ZFYVE26: variants seen among roughly 807,000 people sequenced by gnomAD.
The protein encoded by ZFYVE26 is zinc finger FYVE-type containing 26, also known as zinc finger FYVE domain-containing protein 26.
Under a neutral mutation model 276.5 loss-of-function variants are expected in ZFYVE26, and 181 were observed. The ratio of observed to expected loss-of-function variants is 0.65; its 90% confidence interval spans 0.58 to 0.74. The LOEUF (loss-of-function observed/expected upper bound fraction) is 0.74, where lower values mean the gene tolerates loss of function less well. Ranked by LOEUF, ZFYVE26 falls within the 30% of genes least tolerant of loss-of-function variation. The pLI is 0.00. For synonymous variants in ZFYVE26, 1,129 were observed against 1,203.1 expected (o/e 0.94, Z 1.27); for missense variants, 2,821 against 3,097.9 (o/e 0.91, Z 2.12).
chr14:67,765,743 A>G (rs2039038490), intron 32 of ZFYVE26, among the ~76,000 whole-genome samples: 1 of 152,226 alleles, frequency 6.6e-6, no homozygotes, highest in African/African-American at 2.4e-5. Flanking sequence ...CCTGGGACAC[A>G]GGAATAGACC....
downstream of ZFYVE26, among the ~76,000 whole-genome samples, chr14:67,743,926 G>C (rs1457103937): frequency 6.6e-6 from 1 of 152,214 alleles, no homozygotes; most frequent in Non-Finnish European, 1.5e-5. Flanking sequence ...GTAGGGTAGA[G>C]GAGGTGCTGA....
intron 36 of ZFYVE26, among the ~76,000 whole-genome samples, chr14:67,755,512 A>G (rs992297111): frequency 1.3e-5 from 2 of 152,158 alleles, no homozygotes; most frequent in Non-Finnish European, 2.9e-5. Flanking sequence ...TCTCCACTCA[A>G]ATTGGCTTCA....
chr14:67,768,079 A>G (rs758003558), intron 30 of ZFYVE26, among the ~76,000 whole-genome samples: 1 of 152,180 alleles, frequency 6.6e-6, no homozygotes, highest in Non-Finnish European at 1.5e-5. Flanking sequence ...CTTGCTTCAC[A>G]CAAGAAACCT....
In ZFYVE26 at chr14:67,794,238, A is replaced by T; in HGVS notation, c.2334T>A (p.Asp778Glu). ...RGRRTRRSQA[D>E]GRDRGSNPSL... Reference sequence around the variant, plus strand: ...ATGGGTTTGAACCTCTGTCTCGGCCATCTACAGGTATTGGGAAGAAGAGAG... The same window carrying T: ...ATGGGTTTGAACCTCTGTCTCGGCCTTCTACAGGTATTGGGAAGAAGAGAG... The change falls in exon 13 of 42, where the codon GAT becomes GAA. Residue 778 changes from aspartate (D) to glutamate (E), a missense_variant and splice_region_variant. Physicochemically the swap from Asp to Glu is conservative, Grantham distance 45. Transcript: ENST00000347230. 1 of 1,614,094 alleles carries T rather than the reference A, an allele frequency of 6.2e-7. No homozygotes were observed. Among genetic ancestry groups the T allele is most frequent in the Non-Finnish European group, 8.5e-7 (1 of 1,179,902 alleles).
intron 32 of ZFYVE26, among the ~76,000 whole-genome samples, chr14:67,764,426 G>A (rs1566869881): frequency 2.6e-5 from 4 of 152,146 alleles, no homozygotes. Context: ...TCACTACATT[G>A]CCCAGGCTGG....
Position 67,778,962 on chromosome 14 carries a change from C to T in ZFYVE26, c.4675-714G>A, listed in dbSNP as rs565822540. Among the ~76,000 whole-genome samples, 10 of 152,340 alleles carry T rather than the reference C, an allele frequency of 6.6e-5. No homozygotes were observed. In the East Asian group the frequency reaches 1.5e-3, roughly 23 times the overall value. ...ATGTTGCAGTCACCTAGGGATGCAT[C>T]TTACATCACCCTCTCTCCAAAATGT... On this transcript the variant is annotated intron_variant, in intron 23 of 41. Transcript: ENST00000347230.
At chr14:67,749,421 A>G (rs1039097778) in intron 41 of ZFYVE26, among the ~76,000 whole-genome samples, 1 of 152,042 alleles carries the variant, frequency 6.6e-6, no homozygotes. Flanking sequence ...TATCTCATGA[A>G]TCCCCAGCTT....
At chr14:67,800,441 A>C (rs2040052684) in intron 10 of ZFYVE26, among the ~76,000 whole-genome samples, 1 of 152,210 alleles carries the variant, frequency 6.6e-6, no homozygotes, top group Admixed American at 6.5e-5. Context: ...AGTGAAATCC[A>C]AACTTTTCAA....
rs201034965 is a variant in ZFYVE26, at chr14:67,781,400, G to A, written c.4502C>T (p.Thr1501Met). The A allele has an allele frequency of 2.5e-5, 40 of 1,614,044 alleles. No homozygotes were observed. Among genetic ancestry groups the A allele is most frequent in the Non-Finnish European group, 2.9e-5 (34 of 1,180,038 alleles). ...LEILAYCISD[T>M]AVQEGLKCEL... ...ACACTTTAGTCCTTCTTGGACAGCC[G>A]TGTCTGAAATGCAGTAGGCCAGAAT... The change falls in exon 22 of 42, where the codon ACG becomes ATG. Residue 1501 changes from threonine to methionine, a missense_variant. By Grantham distance (81) the Thr-to-Met change is moderately conservative. Coordinates refer to ENST00000347230, the MANE Select transcript of ZFYVE26 (RefSeq NM_015346.4).
intron 16 of ZFYVE26, 113 bp downstream of exon 16, chr14:67,789,222 C>T (rs1427091749): frequency 1.4e-6 from 2 of 1,438,604 alleles, no homozygotes; most frequent in African/African-American, 2.8e-5. Flanking sequence ...TTTCATAATC[C>T]ATTCACCATC....
Position 67,807,480 on chromosome 14 carries a change from G to A in ZFYVE26, c.804C>T (p.Ser268=), listed in dbSNP as rs745467429. ...RLLSCLLHKA[S]RGLLSLYGHT... ...GGCCATACAGGGACAGCAGGCCCCG[G>A]CTGGCCTTGTGCAGCAGGCAGCTGA... Residue 268 remains serine (S), a synonymous_variant, in exon 5 of 42, where the codon AGC becomes AGT. Coordinates refer to ENST00000347230, the MANE Select transcript of ZFYVE26 (RefSeq NM_015346.4). 2 of 1,614,104 alleles carry A rather than the reference G, an allele frequency of 1.2e-6. No homozygotes were observed. The highest frequency in any genetic ancestry group is 1.7e-5 in the Admixed American group (1 of 60,024).
At position 67,785,087 on chromosome 14, in the gene ZFYVE26, A is replaced by G. The variant is rs1469297473; in HGVS notation, c.3495T>C (p.Val1165=). The G allele has an allele frequency of 3.1e-6, 5 of 1,614,016 alleles. No homozygotes were observed. The change falls in exon 19 of 42, where the codon GTT becomes GTC. Residue 1165 remains valine, a synonymous_variant. Coordinates refer to ENST00000347230, the MANE Select transcript of ZFYVE26 (RefSeq NM_015346.4). ...FFSYCSTLAA[V]LLQSLSSEPD... ...GCTCAGAGCTCAAACTTTGAAGGAG[A>G]ACTGCAGCAAGGGTGCTGCAGTAAC... is the stretch of plus-strand genomic sequence containing the variant.
rs745339893 is a variant in ZFYVE26, at chr14:67,790,632, T to C, written c.2695A>G (p.Ile899Val). The change falls in exon 15 of 42, where the codon ATT (isoleucine) becomes GTT (valine). Residue 899 changes from isoleucine to valine, a missense_variant. Transcript: ENST00000347230. ...GAGCGGCCACTGCCAGTTCTCCGAA[T>C]GGTGCTGCTACCCGCATCTGAGTTC... ...NQNSDAGSSTIRRTGSGRSTL... is the reference protein window; with the variant it reads ...NQNSDAGSSTVRRTGSGRSTL... The C allele has an allele frequency of 2.5e-6, 4 of 1,614,208 alleles. No homozygotes were observed. The highest frequency in any genetic ancestry group is 3.4e-6 in the Non-Finnish European group (4 of 1,180,018).
At chr14:67,803,931 C>T (rs912268299) in intron 9 of ZFYVE26, among the ~76,000 whole-genome samples, 170 bp downstream of exon 9, 2 of 152,202 alleles carry the variant, frequency 1.3e-5, no homozygotes, top group Non-Finnish European at 2.9e-5. Context: ...AGGAGGAATG[C>T]CCTATATCCC....
chr14:67,809,362 C>G, intron 3 of ZFYVE26, 73 bp from the exon 4 acceptor site: 1 of 1,098,620 alleles, frequency 9.1e-7, no homozygotes. Flanking sequence ...TTAAATATTT[C>G]TGTCCAGTTA....
rs555141551 is a variant in ZFYVE26 at position 67,785,862 on chromosome 14, C to A, written c.3300G>T (p.Leu1100=). ...CCCAAGCAGACAGCCTTATACCTGG[C>A]AGCTCTAGTGCCTCTCTCAGTGACT... ...VLQSLREALE[L]PEPRTPPLSS... is the part of the protein sequence containing the mutation. The change falls in exon 18 of 42, where the codon CTG becomes CTT. Residue 1100 remains leucine (L), a synonymous_variant. Coordinates refer to ENST00000347230, the MANE Select transcript of ZFYVE26 (RefSeq NM_015346.4). 56 of 1,614,122 alleles carry A rather than the reference C, an allele frequency of 3.5e-5. No homozygotes were observed. The Admixed American group carries it at 9.0e-4, about 26-fold the overall frequency.
chr14:67,802,610 C>A (rs1186489710), intron 9 of ZFYVE26, among the ~76,000 whole-genome samples: 1 of 152,318 alleles, frequency 6.6e-6, no homozygotes, highest in South Asian at 2.1e-4. Flanking sequence ...TCTTGCCTCA[C>A]CCTAGTTGCA....
intron 10 of ZFYVE26, chr14:67,799,341 T>A: frequency 6.2e-7 from 1 of 1,611,614 alleles, no homozygotes; most frequent in Non-Finnish European, 8.5e-7. Flanking sequence ...GCCAGAGCGG[T>A]GCAATCCTAT....
intron 13 of ZFYVE26, chr14:67,735,248 C>T (rs533047425): frequency 7.6e-6 from 10 of 1,319,886 alleles, no homozygotes; most frequent in Non-Finnish European, 1.1e-5. Flanking sequence ...GAGACACAGC[C>T]TCCCTCAGCA....
Sources: allele counts gnomAD v4.1 joint callset (sites outside exome capture counted in the v4.1 genomes callset), GRCh38; gene constraint gnomAD v4.1.1; transcripts MANE v1.5; gene names NCBI Gene and HGNC (gene_info 2026-07-23, HGNC 2026-07-21).